The following FREM2 variants were observed in gnomAD, a reference collection of about 807,000 sequenced individuals.
The protein encoded by FREM2 is FRAS1 related extracellular matrix 2, also known as FRAS1-related extracellular matrix protein 2.
A neutral mutation model predicts 219.9 loss-of-function variants in FREM2; 119 were observed. The ratio of observed to expected loss-of-function variants is 0.54; its 90% CI spans 0.47 to 0.63. FREM2 has a LOEUF of 0.63. FREM2 is among the 30% of genes least tolerant of loss of function. The pLI is 0.00. For synonymous variants in FREM2, 1,562 were observed against 1,522.8 expected (o/e 1.03, Z -0.60); for missense variants, 4,030 against 3,993.6 (o/e 1.01, Z -0.25).
chr13:38,689,031 C>T lies in FREM2; in HGVS notation c.1687C>T (p.Leu563Phe). The T allele has an allele frequency of 6.2e-7, 1 of 1,613,826 alleles. No homozygotes were observed. The highest frequency in any genetic ancestry group is 1.1e-5 in the South Asian group (1 of 91,064). ...GCCTGTGGATGACCAGCCACCTGTT[C>T]TCAATGCCAACACGGGGCTGACACT... Reference protein sequence around the residue: ...LVPVDDQPPVLNANTGLTLAE... With the variant: ...LVPVDDQPPVFNANTGLTLAE... The change falls in exon 1 of 24, where the codon CTC becomes TTC. Residue 563 changes from leucine (L) to phenylalanine (F), a missense_variant. By Grantham distance (22) the Leu-to-Phe change is conservative. Transcript: ENST00000280481.
chr13:38,796,253 C>T (rs1169116852), intron 6 of FREM2, among the ~76,000 whole-genome samples: 1 of 152,162 alleles, frequency 6.6e-6, no homozygotes. Flanking sequence ...ACCCTAGAAA[C>T]TGGATGTTGC....
chr13:38,784,497 C>T (rs1874245300), intron 5 of FREM2, 60 bp from the exon 6 acceptor site: 1 of 1,587,522 alleles, frequency 6.3e-7, no homozygotes, highest in African/African-American at 1.3e-5. Flanking sequence ...ATAATTGTGT[C>T]TGGAAATATC....
Position 38,692,484 on chromosome 13 carries a change from A to G in FREM2, c.5140A>G (p.Lys1714Glu). ...ACATGGATATCTTCTCAACCTGGAC[A>G]AAGGCAACCACAGCATCACTCAGTT... ...PQHGYLLNLD[K>E]GNHSITQFTQ... The change falls in exon 1 of 24, where the codon AAA becomes GAA. Residue 1714 changes from lysine to glutamate, a missense_variant. Lys to Glu is a moderately conservative substitution (Grantham distance 56). Around this residue, in one of 2 missense-constraint regions of FREM2, gnomAD observed 3,102 missense variants for 2,950.7 expected, o/e 1.05. Coordinates refer to ENST00000280481, the MANE Select transcript of FREM2 (RefSeq NM_207361.6). 1 of 1,612,864 alleles carries G rather than the reference A, an allele frequency of 6.2e-7. No homozygotes were observed. Among genetic ancestry groups the G allele is most frequent in the Non-Finnish European group, 8.5e-7 (1 of 1,180,008 alleles).
intron 10 of FREM2, 99 bp downstream of exon 10, chr13:38,851,207 T>C (rs1877358060): frequency 1.7e-6 from 2 of 1,169,596 alleles, no homozygotes; most frequent in South Asian, 2.6e-5. Context: ...CCACCTCCTC[T>C]GCTTTATGAC....
At chr13:38,748,587 T>C (rs1318739361) in intron 2 of FREM2, among the ~76,000 whole-genome samples, 1 of 152,168 alleles carries the variant, frequency 6.6e-6, no homozygotes, top group Non-Finnish European at 1.5e-5. Flanking sequence ...TGAAATGAGA[T>C]TGAGAAATGC....
At position 38,885,953 on chromosome 13, in the gene FREM2, T is replaced by A. The variant is rs1041874089; in HGVS notation, c.*5166T>A. Reference sequence around the variant, plus strand: ...AAAATGTTAACAGCGTTGAAGTTTTTAAAATTATAATTATCAAATGCACAA... The same window carrying A: ...AAAATGTTAACAGCGTTGAAGTTTTAAAAATTATAATTATCAAATGCACAA... On this transcript the variant is annotated 3_prime_UTR_variant, in exon 24 of 24. Coordinates refer to ENST00000280481, the MANE Select transcript of FREM2 (RefSeq NM_207361.6). 6.6e-6 allele frequency: 1 copy of A among 152,206 alleles called. No homozygotes were observed. Among genetic ancestry groups the A allele is most frequent in the African/African-American group, 2.4e-5 (1 of 41,464 alleles). The allele number at this position is 152,206 out of a possible 1,614,324, so 9.4% of individuals were successfully genotyped here.
chr13:38,799,454 G>A (rs1874925980), intron 6 of FREM2, among the ~76,000 whole-genome samples: 1 of 151,966 alleles, frequency 6.6e-6, no homozygotes, highest in Non-Finnish European at 1.5e-5. Flanking sequence ...GGGATAAAAT[G>A]TTATTTAAAT....
Position 38,689,397 on chromosome 13 carries a change from G to C in FREM2, c.2053G>C (p.Gly685Arg), listed in dbSNP as rs773636566. The change falls in exon 1 of 24, where the codon GGG (glycine) becomes CGG (arginine). Residue 685 changes from glycine (G) to arginine (R), a missense_variant. By Grantham distance (125) the Gly-to-Arg change is moderately radical. This residue lies in a region of FREM2 where 3,102 missense variants were observed against 2,950.7 expected (regional missense o/e 1.05). Coordinates refer to ENST00000280481, the MANE Select transcript of FREM2 (RefSeq NM_207361.6). ...TAACCATGACCCTCCTAATCAGTCCGGGCTACAGCGGTTTGTGATTCGTAT... is the reference window on the plus strand; with the variant it reads ...TAACCATGACCCTCCTAATCAGTCCCGGCTACAGCGGTTTGTGATTCGTAT... ...QDNHDPPNQS[G>R]LQRFVIRIHP... 4 of 1,613,956 alleles carry C rather than the reference G, an allele frequency of 2.5e-6. No individual in the cohort carries two copies. The East Asian group carries it at 6.7e-5, about 27-fold the overall frequency.
intron 6 of FREM2, among the ~76,000 whole-genome samples, chr13:38,822,745 G>A (rs1350529554): frequency 1.3e-5 from 2 of 151,964 alleles, no homozygotes; most frequent in Non-Finnish European, 2.9e-5. Context: ...ATATGTATTC[G>A]ATCTAGTTCA....
intron 11 of FREM2, among the ~76,000 whole-genome samples, chr13:38,853,615 G>T (rs1052701515): frequency 3.3e-5 from 5 of 152,104 alleles, no homozygotes; most frequent in African/African-American, 1.2e-4. Context: ...AAAAAATGGC[G>T]TCTTCTACAA....
chr13:38,831,153 A>G (rs1876492029), intron 6 of FREM2, among the ~76,000 whole-genome samples: 1 of 152,096 alleles, frequency 6.6e-6, no homozygotes, highest in Non-Finnish European at 1.5e-5. Context: ...CTTCTTCCTC[A>G]TATATGGGGT....
At chr13:38,798,741 A>G (rs1227394384) in intron 6 of FREM2, among the ~76,000 whole-genome samples, 1 of 151,884 alleles carries the variant, frequency 6.6e-6, no homozygotes, top group Non-Finnish European at 1.5e-5. Context: ...TAGGTTTTCC[A>G]GTTTGTTTGT....
intron 2 of FREM2, 42 bp downstream of exon 2, chr13:38,697,829 G>C: frequency 5.5e-6 from 6 of 1,100,326 alleles, no homozygotes; most frequent in Non-Finnish European, 8.4e-6. Flanking sequence ...AAGGAGAGAC[G>C]CTTTTCTTGG....
At chr13:38,791,257 GAA>G (rs889044321) in intron 6 of FREM2, among the ~76,000 whole-genome samples, 2 of 152,162 alleles carry the variant, frequency 1.3e-5, no homozygotes, top group African/African-American at 4.8e-5. Context: ...TGTCTCAGTT[GAA>G]AAGAGTCTAG....
Position 38,692,175 on chromosome 13 carries a change from T to G in FREM2, c.4831T>G (p.Ser1611Ala). ...LISYKHDGTE[S>A]SEDSFSFTVT... The stretch of plus-strand genomic sequence containing the variant: ...CAGCTACAAACATGATGGCACTGAG[T>G]CAAGTGAAGATAGCTTCTCCTTCAC... The change falls in exon 1 of 24, where the codon TCA (serine) becomes GCA (alanine). Residue 1611 changes from serine to alanine, a missense_variant. Ser to Ala is a moderately conservative substitution (Grantham distance 99, BLOSUM62 1). This residue lies in a region of FREM2 where 3,102 missense variants were observed against 2,950.7 expected (regional missense o/e 1.05). Transcript: ENST00000280481. 1 of 1,614,150 alleles carries G rather than the reference T, an allele frequency of 6.2e-7. No homozygotes were observed. The highest frequency in any genetic ancestry group is 8.5e-7 in the Non-Finnish European group (1 of 1,180,012).
At position 38,689,988 on chromosome 13, in the gene FREM2, C is replaced by A. The variant is rs777003453; in HGVS notation, c.2644C>A (p.Gln882Lys). The A allele has an allele frequency of 1.7e-5, 27 of 1,613,992 alleles. No individual in the cohort carries two copies. The highest frequency in any genetic ancestry group is 2.2e-5 in the Non-Finnish European group (26 of 1,180,036). Residue 882 changes from glutamine to lysine, a missense_variant, in exon 1 of 24, where the codon CAG becomes AAG. Physicochemically the swap from Gln to Lys is moderately conservative, Grantham distance 53 (BLOSUM62 1). Transcript: ENST00000280481. ...ACATGGCCACATGAGAGTGTCTGGACAGATCCTGCATGTAGGGGGTCTCTT... is the reference window on the plus strand; with the variant it reads ...ACATGGCCACATGAGAGTGTCTGGAAAGATCCTGCATGTAGGGGGTCTCTT... ...PKHGHMRVSG[Q>K]ILHVGGLFHL...
chr13:38,779,951 G>T (rs987196202), intron 4 of FREM2, among the ~76,000 whole-genome samples: 7 of 152,086 alleles, frequency 4.6e-5, no homozygotes, highest in Admixed American at 4.6e-4. Flanking sequence ...AGCCTCATTT[G>T]CTCGGTTTTC....
intron 6 of FREM2, among the ~76,000 whole-genome samples, chr13:38,798,744 T>C (rs1874891211): frequency 6.6e-6 from 1 of 152,040 alleles, no homozygotes; most frequent in Non-Finnish European, 1.5e-5. Flanking sequence ...GTTTTCCAGT[T>C]TGTTTGTTAG....
intron 16 of FREM2, among the ~76,000 whole-genome samples, chr13:38,866,715 A>G (rs942881343): frequency 6.6e-6 from 1 of 150,558 alleles, no homozygotes; most frequent in African/African-American, 2.4e-5. Flanking sequence ...TTCTCTGTGG[A>G]TCTCATCTAG....
Sources: allele counts gnomAD v4.1 joint callset (sites outside exome capture counted in the v4.1 genomes callset), GRCh38; gene constraint gnomAD v4.1.1; regional missense constraint gnomAD v4.1.1; transcripts MANE v1.5; gene names NCBI Gene and HGNC (gene_info 2026-07-23, HGNC 2026-07-21).